The following SLC12A8 variants were observed in gnomAD, a reference collection of about 807,000 sequenced individuals.
SLC12A8 encodes solute carrier family 12 member 8.
In SLC12A8, 69 loss-of-function variants were observed where a neutral mutation model predicts 75.6. That is an observed-to-expected ratio of 0.91 (90% CI 0.75 to 1.11). The LOEUF is 1.11. Ranked by LOEUF, SLC12A8 falls within the 50% of genes most tolerant of loss-of-function variation. The pLI, the probability that SLC12A8 is intolerant of heterozygous loss-of-function variation, is 0.00. For missense variants in SLC12A8, 877 were observed against 896.7 expected (o/e 0.98, Z 0.28); for synonymous variants, 365 against 372.8 (o/e 0.98, Z 0.24).
At chr3:125,148,398 G>A (rs1933838669) in intron 5 of SLC12A8, among the ~76,000 whole-genome samples, 1 of 152,174 alleles carries the variant, frequency 6.6e-6, no homozygotes, top group African/African-American at 2.4e-5. Flanking sequence ...TCCCCAGGGA[G>A]CATGAAGATC....
chr3:125,112,704 G>T (rs939035924), intron 8 of SLC12A8, among the ~76,000 whole-genome samples: 1 of 152,140 alleles, frequency 6.6e-6, no homozygotes, highest in Non-Finnish European at 1.5e-5. Flanking sequence ...ACCAAATGCA[G>T]CCTATGTTGA....
intron 5 of SLC12A8, among the ~76,000 whole-genome samples, chr3:125,156,189 T>C (rs1266116312): frequency 6.6e-6 from 1 of 152,156 alleles, no homozygotes; most frequent in African/African-American, 2.4e-5. Context: ...GGACTAAAAA[T>C]ACAAAGCACG....
At chr3:125,166,972 C>T (rs1019918670) in intron 5 of SLC12A8, among the ~76,000 whole-genome samples, 1 of 152,054 alleles carries the variant, frequency 6.6e-6, no homozygotes, top group East Asian at 1.9e-4. Flanking sequence ...GGGAACAGGA[C>T]GGGGTCGGTG....
chr3:125,174,234 A>G (rs929798838), intron 5 of SLC12A8, among the ~76,000 whole-genome samples: 11 of 152,256 alleles, frequency 7.2e-5, no homozygotes, highest in African/African-American at 2.7e-4. Flanking sequence ...AAACACGTTC[A>G]ATATCATACG....
At chr3:125,208,320 G>T (rs1482645757) in intron 2 of SLC12A8, among the ~76,000 whole-genome samples, 1 of 152,108 alleles carries the variant, frequency 6.6e-6, no homozygotes, top group Non-Finnish European at 1.5e-5. Flanking sequence ...TATGATTTTG[G>T]GTTTGAGACT....
rs138422722 is a variant in SLC12A8, at chr3:125,187,222, G to C, written c.390+15C>G. On this transcript the variant is annotated intron_variant, in intron 4 of 13. Transcript: ENST00000469902. ...GAGGGCCAGGCAGGGGAAGCATCCC[G>C]GGCGCAGGCCTCACCTGTCCAAACA... The C allele has an allele frequency of 2.4e-4, 392 of 1,607,094 alleles. 2 individuals are homozygous for C. The highest frequency in any genetic ancestry group is 1.8e-3 in the African/African-American group (137 of 74,896).
rs77080522 is a variant in SLC12A8, at chr3:125,153,648, A to T, written c.623-17866T>A. On this transcript the variant is annotated intron_variant, in intron 5 of 13. Coordinates refer to ENST00000469902, the MANE Select transcript of SLC12A8 (RefSeq NM_024628.6). ...TTTATGTATTTATTTATTTATTTATATATTTTTTGAGATGGAGTCTCACTG... is the reference window on the plus strand; with the variant it reads ...TTTATGTATTTATTTATTTATTTATTTATTTTTTGAGATGGAGTCTCACTG... 7.9e-5 allele frequency among the ~76,000 whole-genome samples: 8 copies of T among 100,784 alleles called. No homozygotes were observed. In the South Asian group the frequency reaches 1.1e-3, roughly 13 times the overall value. 66.1% of individuals were successfully genotyped at this position (100,784 alleles called of 152,430 possible).
intron 5 of SLC12A8, among the ~76,000 whole-genome samples, chr3:125,148,157 G>A (rs2107769359): frequency 6.6e-6 from 1 of 152,280 alleles, no homozygotes; most frequent in South Asian, 2.1e-4. Context: ...TGTAGTATAT[G>A]TGATGCAATC....
chr3:125,203,226 A>T (rs546969534), intron 2 of SLC12A8, among the ~76,000 whole-genome samples: 1 of 152,112 alleles, frequency 6.6e-6, no homozygotes, highest in Non-Finnish European at 1.5e-5. Flanking sequence ...AAATAGAAAA[A>T]AAAAACCCTA....
At chr3:125,178,570 A>T (rs1319085993) in intron 4 of SLC12A8, among the ~76,000 whole-genome samples, 1 of 152,208 alleles carries the variant, frequency 6.6e-6, no homozygotes, top group East Asian at 1.9e-4. Context: ...TATGCCCCAG[A>T]TTTAATAAAG....
intron 10 of SLC12A8, among the ~76,000 whole-genome samples, chr3:125,106,160 G>A (rs569170190): frequency 6.6e-6 from 1 of 152,234 alleles, no homozygotes; most frequent in African/African-American, 2.4e-5. Context: ...GGTAAAAGGG[G>A]TGGTATAAAA....
chr3:125,199,981 A>C (rs1935088942), intron 2 of SLC12A8, among the ~76,000 whole-genome samples: 1 of 152,214 alleles, frequency 6.6e-6, no homozygotes, highest in Non-Finnish European at 1.5e-5. Flanking sequence ...CTGAGGTATA[A>C]GAATATTATT....
chr3:125,206,844 C>G (rs1265610124), intron 2 of SLC12A8: 1 of 152,190 alleles, frequency 6.6e-6, no homozygotes, highest in African/African-American at 2.4e-5. Context: ...AGGTGCTGCA[C>G]ACTTTTAAAC....
intron 5 of SLC12A8, among the ~76,000 whole-genome samples, chr3:125,161,790 G>A (rs565935647): frequency 6.6e-5 from 10 of 152,158 alleles, no homozygotes; most frequent in Non-Finnish European, 1.2e-4. Context: ...GACCTGCTGT[G>A]GGAAAGACAT....
chr3:125,119,747 G>A (rs1932999660), intron 7 of SLC12A8: 1 of 414,152 alleles, frequency 2.4e-6, no homozygotes, highest in African/African-American at 2.0e-5. Flanking sequence ...AACAAATTCA[G>A]TGTTTGTGAA....
At chr3:125,095,847 G>A (rs557825070) in intron 10 of SLC12A8, among the ~76,000 whole-genome samples, 1 of 152,208 alleles carries the variant, frequency 6.6e-6, no homozygotes, top group East Asian at 1.9e-4. Context: ...AACATTTTTT[G>A]GTTATTTGTT....
At chr3:125,193,291 A>G (rs1934942190) in intron 2 of SLC12A8, among the ~76,000 whole-genome samples, 1 of 152,068 alleles carries the variant, frequency 6.6e-6, no homozygotes, top group African/African-American at 2.4e-5. Context: ...AATCACTTGA[A>G]CCTGGGAGGC....
chr3:125,146,294 G>A (rs1277416467), intron 5 of SLC12A8, among the ~76,000 whole-genome samples: 1 of 152,206 alleles, frequency 6.6e-6, no homozygotes, highest in Non-Finnish European at 1.5e-5. Flanking sequence ...TAGAACAGAA[G>A]TTAGTGGGGG....
chr3:125,136,437 C>T (rs1011525013), intron 5 of SLC12A8, among the ~76,000 whole-genome samples: 1 of 152,308 alleles, frequency 6.6e-6, no homozygotes, highest in South Asian at 2.1e-4. Context: ...TAAGCACTCC[C>T]TAATCAGAAT....
Sources: gnomAD v4.1 joint callset for allele counts (sites outside exome capture counted in the v4.1 genomes callset) on GRCh38, gnomAD v4.1.1 for gene constraint, MANE v1.5 for transcripts, NCBI Gene and HGNC (gene_info 2026-07-23, HGNC 2026-07-21) for gene names.